Variants in NARS2 observed in about 807,000 individuals in gnomAD.
NARS2 encodes asparaginyl-tRNA synthetase.
NARS2 carries 60 observed loss-of-function variants against 62.9 expected under a neutral mutation model. That is an observed-to-expected ratio of 0.95 (90% CI 0.77 to 1.18). NARS2 has a LOEUF of 1.18. NARS2 is among the 50% of genes most tolerant of loss of function. The pLI is 0.00. For missense variants in NARS2, 619 were observed against 576.4 expected (o/e 1.07, Z -0.76); for synonymous variants, 196 against 200.0 (o/e 0.98, Z 0.17).
At chr11:78,485,678 C>G (rs532246622) in intron 7 of NARS2, among the ~76,000 whole-genome samples, 45 of 152,024 alleles carry the variant, frequency 3.0e-4, no homozygotes, top group Non-Finnish European at 6.3e-4. Flanking sequence ...TTAGGAAAAT[C>G]CTTGGTTGTT....
intron 5 of NARS2, among the ~76,000 whole-genome samples, chr11:78,545,378 C>T (rs544616379): frequency 6.6e-6 from 1 of 152,136 alleles, no homozygotes; most frequent in Non-Finnish European, 1.5e-5. Flanking sequence ...TTCCTATGCT[C>T]GATCCATACC....
chr11:78,561,241 GGA>G (rs1856547062), intron 4 of NARS2, among the ~76,000 whole-genome samples: 1 of 152,118 alleles, frequency 6.6e-6, no homozygotes, highest in Admixed American at 6.6e-5. Context: ...TGCTAATAAA[GGA>G]GAGAGTACAA....
At chr11:78,528,697 C>T (rs1386893623) in intron 6 of NARS2, 145 bp downstream of exon 6, 1 of 606,934 alleles carries the variant, frequency 1.6e-6, no homozygotes, top group Non-Finnish European at 2.9e-6. Context: ...GTCTGTACTA[C>T]AAGTAAGAAG....
intron 4 of NARS2, among the ~76,000 whole-genome samples, chr11:78,563,045 GTATCACACATAAAGGTAGATAAC>G (rs1262348231): frequency 2.0e-5 from 3 of 152,022 alleles, no homozygotes; most frequent in Middle Eastern, 3.4e-3. Flanking sequence ...CTAATCCTAA[GTATCACACATAAAGGTAGATAAC>G]TATCACACAT....
chr11:78,532,088 C>A (rs4285892), intron 5 of NARS2, among the ~76,000 whole-genome samples: 104,011 of 151,960 alleles, frequency 0.68, 37,393 homozygotes, highest in Non-Finnish European at 0.81. Context: ...AAACTACCAA[C>A]CTAGGATTGC....
intron 7 of NARS2, among the ~76,000 whole-genome samples, chr11:78,485,406 AC>A (rs1859528317): frequency 2.6e-5 from 4 of 152,196 alleles, no homozygotes; most frequent in African/African-American, 9.6e-5. Flanking sequence ...GTAAAAAAAA[AC>A]AAAAAAAACT....
At position 78,568,765 on chromosome 11, in the gene NARS2, A is replaced by G; in HGVS notation, c.252-13T>C. On this transcript the variant is annotated splice_polypyrimidine_tract_variant and intron_variant, in intron 2 of 13. Coordinates refer to ENST00000281038, the MANE Select transcript of NARS2 (RefSeq NM_024678.6). ...AAAATTTAATTCTCTATAGTAACAA[A>G]AAACAAGATAAACAAGATATCATTA... 1 of 1,570,844 alleles carries G rather than the reference A, an allele frequency of 6.4e-7. No homozygotes were observed. The highest frequency in any genetic ancestry group is 8.7e-7 in the Non-Finnish European group (1 of 1,150,478).
chr11:78,449,690 G>C (rs890811439), intron 11 of NARS2, among the ~76,000 whole-genome samples: 2 of 152,020 alleles, frequency 1.3e-5, no homozygotes, highest in East Asian at 3.9e-4. Flanking sequence ...TTTTTAACTA[G>C]ATACTTCTTT....
At chr11:78,443,924 C>T in intron 11 of NARS2, 166 bp from the exon 12 acceptor site, 2 of 552,494 alleles carry the variant, frequency 3.6e-6, no homozygotes, top group East Asian at 6.1e-5. Context: ...CTCTCTTGCA[C>T]CATTTGTGTA....
At chr11:78,530,036 G>A (rs896725147) in intron 5 of NARS2, among the ~76,000 whole-genome samples, 2 of 151,962 alleles carry the variant, frequency 1.3e-5, no homozygotes, top group Admixed American at 6.6e-5. Context: ...TCATGTATCG[G>A]TATCTGTGGA....
At chr11:78,508,666 T>G (rs964422876) in intron 6 of NARS2, among the ~76,000 whole-genome samples, 11 of 151,006 alleles carry the variant, frequency 7.3e-5, no homozygotes, top group African/African-American at 2.7e-4. Flanking sequence ...ATGAAAGATA[T>G]GAATGTATAA....
chr11:78,520,257 T>C (rs893240422), intron 6 of NARS2, among the ~76,000 whole-genome samples: 9 of 152,158 alleles, frequency 5.9e-5, no homozygotes, highest in Non-Finnish European at 1.2e-4. Context: ...GGAAGAATCC[T>C]TCCTTGCCTC....
intron 6 of NARS2, among the ~76,000 whole-genome samples, chr11:78,516,848 C>T (rs1860930716): frequency 6.6e-6 from 1 of 152,108 alleles, no homozygotes; most frequent in Non-Finnish European, 1.5e-5. Context: ...ATAAGACAAT[C>T]CCTAAATTGA....
At chr11:78,535,732 G>C (rs998053251) in intron 5 of NARS2, among the ~76,000 whole-genome samples, 2 of 151,632 alleles carry the variant, frequency 1.3e-5, no homozygotes, top group African/African-American at 4.8e-5. Context: ...CCAGGTTCAA[G>C]TGAGCCTCCC....
chr11:78,560,834 C>T (rs1307747013), intron 4 of NARS2, among the ~76,000 whole-genome samples: 1 of 152,150 alleles, frequency 6.6e-6, no homozygotes, highest in Non-Finnish European at 1.5e-5. Flanking sequence ...AAAATCTGAT[C>T]AATAACATTA....
chr11:78,444,465 T>C (rs936656676), intron 11 of NARS2, among the ~76,000 whole-genome samples: 2 of 152,178 alleles, frequency 1.3e-5, no homozygotes, highest in Admixed American at 6.5e-5. Context: ...CCTGTAATCC[T>C]AGCACTTTGG....
intron 1 of NARS2, among the ~76,000 whole-genome samples, chr11:78,571,859 C>A (rs116952106): frequency 1.3e-5 from 2 of 152,140 alleles, no homozygotes; most frequent in Non-Finnish European, 2.9e-5. Context: ...CATCTCACTG[C>A]GCTGCCCAGA....
chr11:78,490,110 G>C (rs146042889), intron 7 of NARS2, among the ~76,000 whole-genome samples: 9 of 152,246 alleles, frequency 5.9e-5, no homozygotes, highest in African/African-American at 2.2e-4. Context: ...CGGCAACTTT[G>C]TTCATTACTT....
intron 7 of NARS2, among the ~76,000 whole-genome samples, chr11:78,485,227 G>T (rs1390182687): frequency 6.6e-6 from 1 of 151,890 alleles, no homozygotes; most frequent in South Asian, 2.1e-4. Context: ...ACACACTGGG[G>T]CCTATTGGGG....
Sources: allele counts gnomAD v4.1 joint callset (sites outside exome capture counted in the v4.1 genomes callset), GRCh38; gene constraint gnomAD v4.1.1; transcripts MANE v1.5; gene names NCBI Gene and HGNC (gene_info 2026-07-23, HGNC 2026-07-21).